Variants in TRIP11 observed in about 807,000 individuals in gnomAD.
TRIP11 encodes thyroid hormone receptor interactor 11.
In TRIP11, 148 loss-of-function variants were observed where a neutral mutation model predicts 223.1. The ratio of observed to expected loss-of-function variants is 0.66; its 90% CI spans 0.58 to 0.76. The LOEUF (loss-of-function observed/expected upper bound fraction) is 0.76. Ranked by LOEUF, TRIP11 falls within the 30% of genes least tolerant of loss-of-function variation. The probability of loss-of-function intolerance (pLI) is 0.00; values close to 1 mark genes in which losing one functional copy is unlikely to be tolerated. For synonymous variants in TRIP11, 762 were observed against 772.6 expected, an observed-to-expected ratio of 0.99 and a Z score of 0.23; for missense variants, 2,043 against 2,222.0, an observed-to-expected ratio of 0.92 and a Z score of 1.62.
chr14:92,003,678 T>G lies in TRIP11; in HGVS notation c.4298A>C (p.Lys1433Thr), dbSNP rs771162719. ...CCTCAAAAGTTCGTTTTCATTTACT[T>G]TGTTAGTGAAATTTTCATTGGAAGA... ...LLSSNENFTNKVNENELLRQA... is the reference protein window; with the variant it reads ...LLSSNENFTNTVNENELLRQA... Residue 1433 changes from lysine (K) to threonine (T), a missense_variant, in exon 11 of 21, where the codon AAA becomes ACA. By Grantham distance (78) the Lys-to-Thr change is moderately conservative. Coordinates refer to ENST00000267622, the MANE Select transcript of TRIP11 (RefSeq NM_004239.4). 3 of 1,614,204 alleles carry G rather than the reference T, an allele frequency of 1.9e-6. No homozygotes were observed. Among genetic ancestry groups the G allele is most frequent in the Middle Eastern group, 3.3e-4 (2 of 6,062 alleles).
At chr14:92,021,190 C>T (rs1460760841) in intron 4 of TRIP11, among the ~76,000 whole-genome samples, 1 of 150,658 alleles carries the variant, frequency 6.6e-6, no homozygotes, top group Admixed American at 6.6e-5. Context: ...GTCAGGAGTT[C>T]GAGACTAGCC....
Position 91,969,730 on chromosome 14 carries a change from C to A in TRIP11, c.5883G>T (p.Leu1961Phe). The stretch of plus-strand genomic sequence containing the variant: ...CAGCACTGTTGTCAGGTAACGCTGG[C>A]AAAGGTGTAAATGTGGGCAAAACAT... Reference protein sequence around the residue: ...ISDVLPTFTPLPALPDNSAGV... With the variant: ...ISDVLPTFTPFPALPDNSAGV... Residue 1961 changes from leucine to phenylalanine, a missense_variant, in exon 21 of 21, where the codon TTG (leucine) becomes TTT (phenylalanine). Physicochemically the swap from Leu to Phe is conservative, Grantham distance 22. Transcript: ENST00000267622. 3 of 1,613,410 alleles carry A rather than the reference C, an allele frequency of 1.9e-6. No individual in the cohort carries two copies. The highest frequency in any genetic ancestry group is 2.5e-6 in the Non-Finnish European group (3 of 1,180,036).
chr14:91,982,971 GT>G (rs879589531), intron 16 of TRIP11, among the ~76,000 whole-genome samples: 2,816 of 152,286 alleles, frequency 0.018, 52 homozygotes, highest in South Asian at 0.082. Flanking sequence ...CTAGTCAACT[GT>G]ATCTTCAGCC....
chr14:91,993,897 T>C lies in TRIP11; in HGVS notation c.5072A>G (p.Tyr1691Cys). The change falls in exon 15 of 21, where the codon TAT (tyrosine) becomes TGT (cysteine). Residue 1691 changes from tyrosine (Y) to cysteine (C), a missense_variant. Physicochemically the swap from Tyr to Cys is radical, Grantham distance 194 (BLOSUM62 -2). Coordinates refer to ENST00000267622, the MANE Select transcript of TRIP11 (RefSeq NM_004239.4). ...TTTTTGCTTTTCGAGTTCAGCAGAA[T>C]ACATAGCTTTTTCCTCTAAAGAGAA... ...EHFQQEEKAM[Y>C]SAELEKQKQL... 6.2e-7 allele frequency: 1 copy of C among 1,613,078 alleles called. No individual in the cohort carries two copies. Among genetic ancestry groups the C allele is most frequent in the Non-Finnish European group, 8.5e-7 (1 of 1,179,620 alleles).
rs191280213 is a variant in TRIP11, at chr14:92,004,596, G to A, written c.3380C>T (p.Ala1127Val). The A allele has an allele frequency of 2.3e-4, 378 of 1,613,996 alleles. No homozygotes were observed. Among genetic ancestry groups the A allele is most frequent in the Admixed American group, 4.3e-4 (26 of 60,014 alleles). The change falls in exon 11 of 21, where the codon GCT becomes GTT. Residue 1127 changes from alanine to valine, a missense_variant. By Grantham distance (64) the Ala-to-Val change is moderately conservative (BLOSUM62 0). Coordinates refer to ENST00000267622, the MANE Select transcript of TRIP11 (RefSeq NM_004239.4). ...TTTGATAAGAGCTGCTTCCTTGGCA[G>A]CAACAATATCCATCATTTTGTGATA... The part of the protein sequence containing the change: ...TEYHKMMDIV[A>V]AKEAALIKLQ...
rs886050905 is a variant in TRIP11 at position 91,999,437 on chromosome 14, G to C, written c.4699-4C>G. The C allele has an allele frequency of 6.2e-7, 1 of 1,613,302 alleles. No individual in the cohort carries two copies. Among genetic ancestry groups the C allele is most frequent in the Non-Finnish European group, 8.5e-7 (1 of 1,179,782 alleles). On this transcript the variant is annotated splice_polypyrimidine_tract_variant and splice_region_variant and intron_variant, in intron 12 of 20. Transcript: ENST00000267622. ...CTTTGTCACGTAAACGTTGAACCTA[G>C]GTAGAGGACATTATTTTTCTTTTAC...
At chr14:92,002,157 A>C (rs1158017403) in intron 11 of TRIP11, among the ~76,000 whole-genome samples, 1 of 151,816 alleles carries the variant, frequency 6.6e-6, no homozygotes, top group Non-Finnish European at 1.5e-5. Flanking sequence ...CCTACACAGC[A>C]CCCTATACAC....
chr14:91,988,259 G>A (rs745467936), intron 16 of TRIP11, 25 bp downstream of exon 16: 11 of 1,567,548 alleles, frequency 7.0e-6, no homozygotes, highest in East Asian at 2.2e-5. Context: ...TGTAGTGGGG[G>A]AAAAATGAAA....
chr14:92,038,938 G>A (rs530153449), intron 1 of TRIP11, among the ~76,000 whole-genome samples: 4 of 152,248 alleles, frequency 2.6e-5, no homozygotes, highest in Non-Finnish European at 5.9e-5. Flanking sequence ...TAAGAATAGG[G>A]TTGTCTTCCC....
intron 17 of TRIP11, 137 bp downstream of exon 17, chr14:91,975,971 C>A (rs1260120622): frequency 2.9e-6 from 2 of 699,366 alleles, no homozygotes; most frequent in Admixed American, 2.6e-5. Context: ...AAAGCTGCAT[C>A]CTTCCTCACT....
chr14:91,971,526 G>C (rs886492518), intron 20 of TRIP11, among the ~76,000 whole-genome samples: 1 of 150,552 alleles, frequency 6.6e-6, no homozygotes. Context: ...GAAAGAGGAA[G>C]AAAAGTGAGA....
At chr14:91,971,970 C>T (rs1016344191) in intron 20 of TRIP11, among the ~76,000 whole-genome samples, 14 of 152,084 alleles carry the variant, frequency 9.2e-5, no homozygotes, top group African/African-American at 3.4e-4. Flanking sequence ...AATTAGTAAA[C>T]ATATTAGTCT....
chr14:91,994,774 A>G (rs1028813801), intron 14 of TRIP11, among the ~76,000 whole-genome samples: 1 of 152,248 alleles, frequency 6.6e-6, no homozygotes, highest in African/African-American at 2.4e-5. Flanking sequence ...GATAGGAGGT[A>G]GAATGTGAAA....
intron 13 of TRIP11, among the ~76,000 whole-genome samples, chr14:91,996,264 C>T (rs953201771): frequency 6.6e-6 from 1 of 152,194 alleles, no homozygotes; most frequent in African/African-American, 2.4e-5. Context: ...TTGAAGAGTT[C>T]TTCTGGTACC....
Position 91,984,822 on chromosome 14 carries a change from G to A in TRIP11, c.5260+3462C>T, listed in dbSNP as rs560591094. 1.1e-4 allele frequency among the ~76,000 whole-genome samples: 17 copies of A among 152,262 alleles called. No homozygotes were observed. The South Asian group carries it at 2.3e-3, about 20-fold the overall frequency. On this transcript the variant is annotated intron_variant, in intron 16 of 20. Transcript: ENST00000267622. Reference sequence around the variant, plus strand: ...TAGTTAATGAAAACCACTGTCATATGTGCTTCATAGGCCACTCTACTGAGT... The same window carrying A: ...TAGTTAATGAAAACCACTGTCATATATGCTTCATAGGCCACTCTACTGAGT...
intron 2 of TRIP11, chr14:92,026,564 C>A: frequency 3.2e-6 from 4 of 1,268,416 alleles, no homozygotes; most frequent in Non-Finnish European, 4.6e-6. Flanking sequence ...GCGTGCCCTA[C>A]CATGTCAGAC....
intron 12 of TRIP11, 147 bp downstream of exon 12, chr14:91,999,821 G>A: frequency 9.5e-7 from 1 of 1,056,992 alleles, no homozygotes; most frequent in Non-Finnish European, 1.4e-6. Flanking sequence ...CACCATGGGA[G>A]ATTAAAATTT....
At chr14:91,987,938 C>G (rs1196922238) in intron 16 of TRIP11, among the ~76,000 whole-genome samples, 1 of 152,192 alleles carries the variant, frequency 6.6e-6, no homozygotes, top group Non-Finnish European at 1.5e-5. Flanking sequence ...TCTAACAGAT[C>G]AGATGGCCTT....
rs535885847 is a variant in TRIP11 at position 92,007,702 on chromosome 14, C to G, written c.1465G>C (p.Glu489Gln). 1.2e-6 allele frequency: 2 copies of G among 1,613,696 alleles called. No homozygotes were observed. Among genetic ancestry groups the G allele is most frequent in the East Asian group, 4.5e-5 (2 of 44,810 alleles). Reference sequence around the variant, plus strand: ...ATCTCAGCTATCAGTGTTTCCTTTTCACTAATACTCTGATTGAGTTCTTGT... The same window carrying G: ...ATCTCAGCTATCAGTGTTTCCTTTTGACTAATACTCTGATTGAGTTCTTGT... The part of the protein sequence containing the change: ...KEQELNQSIS[E>Q]KETLIAEIEE... The change falls in exon 10 of 21, where the codon GAA becomes CAA. Residue 489 changes from glutamate (E) to glutamine (Q), a missense_variant. Transcript: ENST00000267622.
Sources: allele counts gnomAD v4.1 joint callset (sites outside exome capture counted in the v4.1 genomes callset), GRCh38; gene constraint gnomAD v4.1.1; transcripts MANE v1.5; gene names NCBI Gene and HGNC (gene_info 2026-07-23, HGNC 2026-07-21).